Variants in IL16 observed in about 807,000 individuals in gnomAD.
The protein encoded by IL16 is pro-interleukin-16.
A neutral mutation model predicts 110.1 loss-of-function variants in IL16; 67 were observed. The observed-to-expected ratio is 0.61, with a 90% CI of 0.50 to 0.75. The LOEUF (loss-of-function observed/expected upper bound fraction) is 0.75. Ranked by LOEUF, IL16 falls within the 30% of genes least tolerant of loss-of-function variation. The probability of loss-of-function intolerance (pLI) is 0.00; values close to 1 mark genes in which losing one functional copy is unlikely to be tolerated. For synonymous variants in IL16, 689 were observed against 662.9 expected, an observed-to-expected ratio of 1.04 and a Z score of -0.61; for missense variants, 1,545 against 1,655.0, an observed-to-expected ratio of 0.93 and a Z score of 1.15.
At chr15:81,255,014 C>T (rs1897896424) in intron 2 of IL16, among the ~76,000 whole-genome samples, 3 of 152,068 alleles carry the variant, frequency 2.0e-5, no homozygotes, top group South Asian at 4.1e-4. Context: ...AATTGACAAG[C>T]TCAGAGTCAT....
intron 2 of IL16, among the ~76,000 whole-genome samples, chr15:81,243,436 C>T (rs1897421662): frequency 6.6e-6 from 1 of 151,758 alleles, no homozygotes; most frequent in African/African-American, 2.4e-5. Flanking sequence ...CCACCTGCCT[C>T]AGTCTCCCAA....
intron 18 of IL16, among the ~76,000 whole-genome samples, chr15:81,307,716 A>G (rs1012483596): frequency 1.3e-5 from 2 of 152,204 alleles, no homozygotes; most frequent in African/African-American, 4.8e-5. Flanking sequence ...TGCCAGCTGC[A>G]GGGTGATGTT....
intron 1 of IL16, among the ~76,000 whole-genome samples, chr15:81,212,126 A>G (rs756176361): frequency 1.7e-4 from 26 of 149,252 alleles, no homozygotes; most frequent in Admixed American, 4.7e-4. Context: ...CATCTTGTCT[A>G]GGGCTTTTTT....
At position 81,303,641 on chromosome 15, in the gene IL16, G is replaced by C; in HGVS notation, c.3411G>C (p.Lys1137Asn). ...CAGGAGGAGCAGATCTAGAAAACAA[G>C]GTGATTACGGTGAGTGGCCAAGTGA... Reference protein sequence around the residue: ...SLAGGADLENKVITVHRVFPN... With the variant: ...SLAGGADLENNVITVHRVFPN... The change falls in exon 16 of 19, where the codon AAG (lysine) becomes AAC (asparagine). Residue 1137 changes from lysine (K) to asparagine (N), a missense_variant. By Grantham distance (94) the Lys-to-Asn change is moderately conservative. This residue lies in a region of IL16 where 356 missense variants were observed against 399.3 expected (regional missense o/e 0.89). Coordinates refer to ENST00000683961, the MANE Select transcript of IL16 (RefSeq NM_172217.5). The surrounding 1 kb of genome is among the most constrained non-coding windows in gnomAD (Gnocchi z 4.1). 6.2e-7 allele frequency: 1 copy of C among 1,607,932 alleles called. No homozygotes were observed. The highest frequency in any genetic ancestry group is 1.1e-5 in the South Asian group (1 of 90,928).
Position 81,269,553 on chromosome 15 carries a change from A to G in IL16, c.580A>G (p.Thr194Ala), listed in dbSNP as rs1225802024. ...CTTGTTGCAGGGAACTTCGAGACCA[A>G]CACGGTCCCTGAGCACAGCTCAGCT... is the stretch of plus-strand genomic sequence containing the variant. ...AGKAAGTSRP[T>A]RSLSTAQLVQ... Residue 194 changes from threonine (T) to alanine (A), a missense_variant, in exon 5 of 19, where the codon ACA (threonine) becomes GCA (alanine). This residue lies in a region of IL16 where 1,185 missense variants were observed against 1,238.8 expected (regional missense o/e 0.96). Transcript: ENST00000683961. 5.6e-6 allele frequency: 9 copies of G among 1,613,878 alleles called. No homozygotes were observed. The highest frequency in any genetic ancestry group is 7.6e-6 in the Non-Finnish European group (9 of 1,179,784).
intron 18 of IL16, chr15:81,306,869 ACACT>A: frequency 2.5e-6 from 1 of 400,718 alleles, no homozygotes; most frequent in African/African-American, 2.0e-5. Flanking sequence ...GGGTGCCAAA[ACACT>A]CAGTAACTCA....
rs1272832187 is a variant in IL16 at position 81,278,888 on chromosome 15, A to G, written c.862A>G (p.Lys288Glu). ...LTHQDALQKF[K>E]QAKKGLLTLT... Reference sequence around the variant, plus strand: ...ACATCAGGATGCTTTGCAGAAGTTCAAGGTGACCATTTCTTATCAACACGT... The same window carrying G: ...ACATCAGGATGCTTTGCAGAAGTTCGAGGTGACCATTTCTTATCAACACGT... Residue 288 changes from lysine to glutamate, a missense_variant and splice_region_variant, in exon 7 of 19, where the codon AAG becomes GAG. By Grantham distance (56) the Lys-to-Glu change is moderately conservative. This residue lies in a region of IL16 where 1,185 missense variants were observed against 1,238.8 expected (regional missense o/e 0.96). Transcript: ENST00000683961. The G allele has an allele frequency of 8.7e-6, 14 of 1,608,862 alleles. No individual in the cohort carries two copies. The highest frequency in any genetic ancestry group is 1.2e-5 in the Non-Finnish European group (14 of 1,175,134).
intron 1 of IL16, among the ~76,000 whole-genome samples, chr15:81,211,117 T>C (rs982348154): frequency 6.6e-5 from 10 of 152,222 alleles, no homozygotes; most frequent in Admixed American, 6.5e-4. Context: ...TGGAGTGCAT[T>C]GGTGCAATCA....
intron 1 of IL16, among the ~76,000 whole-genome samples, chr15:81,215,363 G>A (rs1269478755): frequency 3.3e-5 from 5 of 152,168 alleles, no homozygotes; most frequent in African/African-American, 1.2e-4. Flanking sequence ...TCTTGTGTTT[G>A]GTTTCACAGA....
chr15:81,235,999 C>G (rs927645406), intron 2 of IL16, among the ~76,000 whole-genome samples: 1 of 152,094 alleles, frequency 6.6e-6, no homozygotes, highest in Non-Finnish European at 1.5e-5. Context: ...TTCAGAGCTG[C>G]CCTCCTAAAA....
chr15:81,220,534 C>T (rs1896578656), intron 1 of IL16, among the ~76,000 whole-genome samples: 1 of 152,132 alleles, frequency 6.6e-6, no homozygotes, highest in East Asian at 1.9e-4. Context: ...TTGACAAAGA[C>T]AAAAATTACC....
At chr15:81,232,042 G>GTTTTTTTGTTTTTTTTTTTTTTTTT (rs1897008513) in intron 2 of IL16, among the ~76,000 whole-genome samples, 1 of 57,694 alleles carries the variant, frequency 1.7e-5, no homozygotes, top group Non-Finnish European at 3.3e-5. Context: ...ATTTGTTCTT[G>GTTTTTTTGTTTTTTTTTTTTTTTTT]TTTTTTTTTT....
chr15:81,283,524 T>G (rs1319268071), intron 9 of IL16, among the ~76,000 whole-genome samples: 2 of 152,196 alleles, frequency 1.3e-5, no homozygotes, highest in African/African-American at 4.8e-5. Context: ...GGACCTGCAT[T>G]CTAACAAAAT....
chr15:81,235,751 CT>C (rs1043182981), intron 2 of IL16, among the ~76,000 whole-genome samples: 2 of 152,084 alleles, frequency 1.3e-5, no homozygotes, highest in Non-Finnish European at 2.9e-5. Context: ...AATAATGGCT[CT>C]ATAAATGTTT....
Position 81,303,413 on chromosome 15 carries a change from G to A in IL16, c.3319-136G>A, listed in dbSNP as rs1900393582. On this transcript the variant is annotated intron_variant, in intron 15 of 18. Coordinates refer to ENST00000683961, the MANE Select transcript of IL16 (RefSeq NM_172217.5). This position sits in a 1 kb window ranked among gnomAD's most constrained non-coding sequence, Gnocchi z 4.1. ...ATTCTTTACAGATGAGGAAACTGAG[G>A]TTTGAGGAGGTGATGTAACTTGGAG... is the stretch of plus-strand genomic sequence containing the variant. The A allele has an allele frequency of 7.8e-6, 5 of 644,096 alleles. No individual in the cohort carries two copies. The highest frequency in any genetic ancestry group is 1.4e-5 in the Non-Finnish European group (5 of 351,954). 39.9% of individuals were successfully genotyped at this position (644,096 alleles called of 1,614,324 possible).
chr15:81,250,296 A>AGTAGC (rs1897723025), intron 2 of IL16, among the ~76,000 whole-genome samples: 1 of 152,070 alleles, frequency 6.6e-6, no homozygotes, highest in African/African-American at 2.4e-5. Flanking sequence ...CAGCCTCACG[A>AGTAGC]GTAGCTGGGA....
In IL16 at chr15:81,202,667, T is replaced by A. The variant is rs569268745; in HGVS notation, c.-102+5515T>A. ...AAGGACATGAACTCATCATTTTTTA[T>A]GGCTGCATAGTATTCCATGGTGTAT... On this transcript the variant is annotated intron_variant, in intron 1 of 18. Coordinates refer to ENST00000683961, the MANE Select transcript of IL16 (RefSeq NM_172217.5). Among the ~76,000 whole-genome samples, 3 of 152,340 alleles carry A rather than the reference T, an allele frequency of 2.0e-5. No homozygotes were observed. The South Asian group carries it at 6.2e-4, about 32-fold the overall frequency.
chr15:81,219,410 G>T (rs187515022), intron 1 of IL16, among the ~76,000 whole-genome samples: 1 of 151,884 alleles, frequency 6.6e-6, no homozygotes, highest in Admixed American at 6.6e-5. Context: ...TCCTTCTTGC[G>T]ATTGACTATA....
rs777657228 is a variant in IL16 at position 81,308,608 on chromosome 15, C to A, written c.3809C>A (p.Ala1270Glu). The A allele has an allele frequency of 2.9e-5, 46 of 1,595,818 alleles. No homozygotes were observed. The highest frequency in any genetic ancestry group is 3.8e-5 in the Non-Finnish European group (44 of 1,172,300). Residue 1270 changes from alanine (A) to glutamate (E), a missense_variant, in exon 19 of 19, where the codon GCA becomes GAA. By Grantham distance (107) the Ala-to-Glu change is moderately radical. Around this residue, in one of 3 missense-constraint regions of IL16, gnomAD observed 356 missense variants for 399.3 expected, o/e 0.89. Coordinates refer to ENST00000683961, the MANE Select transcript of IL16 (RefSeq NM_172217.5). ...ATTACCTTCTCCCTCATTTCAGGAGCAGCCTCAGAACAAAGTGAGACAGTC... is the reference window on the plus strand; with the variant it reads ...ATTACCTTCTCCCTCATTTCAGGAGAAGCCTCAGAACAAAGTGAGACAGTC... Reference protein sequence around the residue: ...PLTINRIFKGAASEQSETVQP... With the variant: ...PLTINRIFKGEASEQSETVQP...
Sources: allele counts gnomAD v4.1 joint callset (sites outside exome capture counted in the v4.1 genomes callset), GRCh38; gene constraint gnomAD v4.1.1; regional missense constraint gnomAD v4.1.1; non-coding constraint Gnocchi (gnomAD v3.1); transcripts MANE v1.5; gene names NCBI Gene and HGNC (gene_info 2026-07-23, HGNC 2026-07-21).